Variants in FAT3 observed in about 807,000 individuals in gnomAD.
The protein encoded by FAT3 is protocadherin Fat 3.
Under a neutral mutation model 310.2 loss-of-function variants are expected in FAT3, and 95 were observed. The observed-to-expected ratio is 0.31, with a 90% CI of 0.26 to 0.36. The LOEUF (loss-of-function observed/expected upper bound fraction) is 0.36, where lower values mean the gene tolerates loss of function less well. Among genes scored for constraint, FAT3 ranks in the 10% least tolerant of loss-of-function variants. FAT3 has a pLI of 1.00. For synonymous variants in FAT3, 2,314 were observed against 2,192.9 expected, an observed-to-expected ratio of 1.06 and a Z score of -1.54; for missense variants, 5,408 against 5,715.6, an observed-to-expected ratio of 0.95 and a Z score of 1.74.
At chr11:92,804,136 C>G (rs1947438536) in intron 10 of FAT3, among the ~76,000 whole-genome samples, 1 of 152,220 alleles carries the variant, frequency 6.6e-6, no homozygotes, top group African/African-American at 2.4e-5. Context: ...CAGTCTTTCC[C>G]TCCAGAATGT....
chr11:92,810,069 C>G lies in FAT3; in HGVS notation c.9474C>G (p.Pro3158=), dbSNP rs760252299. The change falls in exon 13 of 28, where the codon CCC becomes CCG. Residue 3158 remains proline (P), a synonymous_variant. Transcript: ENST00000525166. ...TGACCAGAGTTCAAGCCGTGGACCC[C>G]GACATTGGTAAGTCAGTTGCAGGCA... The part of the protein sequence containing the change: ...ALLTRVQAVD[P]DIGINRKVVY... The G allele has an allele frequency of 6.2e-7, 1 of 1,613,468 alleles. No homozygotes were observed. Among genetic ancestry groups the G allele is most frequent in the South Asian group, 1.1e-5 (1 of 90,880 alleles).
In FAT3 at chr11:92,891,812, G is replaced by A. The variant is rs2136453659; in HGVS notation, c.*699G>A. On this transcript the variant is annotated 3_prime_UTR_variant, in exon 28 of 28. Transcript: ENST00000525166. ...TGAAGAGCAACATGAGGCTTTTTGG[G>A]TTCCATTTGGTGGGTGGGGGAGGAA... 6.6e-6 allele frequency: 1 copy of A among 152,432 alleles called. No homozygotes were observed. Among genetic ancestry groups the A allele is most frequent in the Middle Eastern group, 3.4e-3 (1 of 294 alleles). 9.4% of individuals were successfully genotyped at this position (152,432 alleles called of 1,614,324 possible). A position where few individuals can be genotyped will look rare whatever the true frequency, so the allele number is the denominator to read the frequency against.
intron 3 of FAT3, among the ~76,000 whole-genome samples, chr11:92,599,475 C>T (rs577726274): frequency 1.2e-4 from 19 of 152,186 alleles, no homozygotes; most frequent in African/African-American, 2.6e-4. Flanking sequence ...CAGTTCAAGA[C>T]GACATTTAGG....
At position 92,786,170 on chromosome 11, in the gene FAT3, G is replaced by C. The variant is rs183946909; in HGVS notation, c.4336-3773G>C. Among the ~76,000 whole-genome samples the C allele has an allele frequency of 8.1e-4, 123 of 152,208 alleles. 1 individual carries two copies. The highest frequency in any genetic ancestry group is 2.7e-3 in the African/African-American group (113 of 41,534). ...GAAAAATTGCAACTCGATTAGCGAT[G>C]TAAATGAAAGAAAAGAAAACATACA... On this transcript the variant is annotated intron_variant, in intron 7 of 27. Coordinates refer to ENST00000525166, the MANE Select transcript of FAT3 (RefSeq NM_001367949.2).
chr11:92,282,801 G>A (rs2134369536), intron 1 of FAT3, among the ~76,000 whole-genome samples: 1 of 152,172 alleles, frequency 6.6e-6, no homozygotes, highest in South Asian at 2.1e-4. Context: ...TAGTATTTTG[G>A]TACATAGCTT....
chr11:92,798,344 C>A lies in FAT3; in HGVS notation c.5331C>A (p.Ser1777Arg). The change falls in exon 10 of 28, where the codon AGC becomes AGA. Residue 1777 changes from serine to arginine, a missense_variant. Ser to Arg is a moderately radical substitution (Grantham distance 110, BLOSUM62 -1). This residue lies in a region of FAT3 where 4,588 missense variants were observed against 4,809.8 expected (regional missense o/e 0.95). Coordinates refer to ENST00000525166, the MANE Select transcript of FAT3 (RefSeq NM_001367949.2). The stretch of plus-strand genomic sequence containing the variant: ...TTCTCTTTTCTCAATACTCAGGCAG[C>A]CTAAGTGAGGCTGCCCCAATTAATA... ...PVFLFSQYSGSLSEAAPINSI... is the reference protein window; with the variant it reads ...PVFLFSQYSGRLSEAAPINSI... The A allele has an allele frequency of 6.2e-7, 1 of 1,613,594 alleles. No individual in the cohort carries two copies. The highest frequency in any genetic ancestry group is 8.5e-7 in the Non-Finnish European group (1 of 1,179,762).
intron 2 of FAT3, among the ~76,000 whole-genome samples, chr11:92,459,853 T>C (rs1300441390): frequency 6.6e-6 from 1 of 152,178 alleles, no homozygotes; most frequent in Non-Finnish European, 1.5e-5. Flanking sequence ...TATTTTTGCA[T>C]TGTTTCAAAT....
intron 22 of FAT3, among the ~76,000 whole-genome samples, chr11:92,878,156 T>A (rs74956337): frequency 0.039 from 5,918 of 152,256 alleles, 261 homozygotes; most frequent in East Asian, 0.23. Flanking sequence ...GATTTTGCAG[T>A]CTTGAATTCA....
intron 2 of FAT3, among the ~76,000 whole-genome samples, chr11:92,465,439 C>T (rs974626993): frequency 6.6e-6 from 1 of 152,138 alleles, no homozygotes; most frequent in African/African-American, 2.4e-5. Flanking sequence ...AAAAGTGTTC[C>T]TGTTTCTCCA....
chr11:92,537,210 G>A (rs553843336), intron 3 of FAT3, among the ~76,000 whole-genome samples: 12 of 152,214 alleles, frequency 7.9e-5, no homozygotes, highest in South Asian at 2.1e-4. Flanking sequence ...CCCTGAGACC[G>A]TCTCTATCTC....
intron 1 of FAT3, among the ~76,000 whole-genome samples, chr11:92,297,706 G>A (rs1408021986): frequency 6.6e-6 from 1 of 152,046 alleles, no homozygotes; most frequent in African/African-American, 2.4e-5. Flanking sequence ...GTTTCCAAGT[G>A]AGCGTAGTTA....
At chr11:92,563,681 C>G (rs1955316016) in intron 3 of FAT3, among the ~76,000 whole-genome samples, 1 of 152,058 alleles carries the variant, frequency 6.6e-6, no homozygotes, top group Non-Finnish European at 1.5e-5. Flanking sequence ...AGACTAACAG[C>G]AGATCTCTCG....
chr11:92,789,877 G>A (rs987687870), intron 7 of FAT3, 66 bp from the exon 8 acceptor site: 2 of 1,535,582 alleles, frequency 1.3e-6, no homozygotes, highest in African/African-American at 1.4e-5. Context: ...AAAGAGGGAG[G>A]GCATACTTTT....
rs766851691 is a variant in FAT3, at chr11:92,891,553, G to T, written c.*440G>T. ...TGAAATGAAAATAGTAGTAATGATT[G>T]TTGGAAAAGTTAGTCTCTTAGGCGA... On this transcript the variant is annotated 3_prime_UTR_variant, in exon 28 of 28. Transcript: ENST00000525166. 5 of 168,048 alleles carry T rather than the reference G, an allele frequency of 3.0e-5. No individual in the cohort carries two copies. The highest frequency in any genetic ancestry group is 5.5e-5 in the Admixed American group (1 of 18,172). The allele number at this position is 168,048 out of a possible 1,614,324, so 10.4% of individuals were successfully genotyped here.
At chr11:92,462,121 A>C (rs971490570) in intron 2 of FAT3, among the ~76,000 whole-genome samples, 3 of 152,132 alleles carry the variant, frequency 2.0e-5, no homozygotes, top group Non-Finnish European at 4.4e-5. Flanking sequence ...CTCAGCTTTA[A>C]GGAATTATTA....
At chr11:92,581,001 T>A (rs1055691692) in intron 3 of FAT3, among the ~76,000 whole-genome samples, 1 of 152,056 alleles carries the variant, frequency 6.6e-6, no homozygotes, top group Non-Finnish European at 1.5e-5. Flanking sequence ...TTACACATAG[T>A]TGGGTTTAGC....
At chr11:92,412,750 T>TATAC (rs1950319479) in intron 2 of FAT3, among the ~76,000 whole-genome samples, 3 of 66,978 alleles carry the variant, frequency 4.5e-5, no homozygotes, top group African/African-American at 7.7e-5. Context: ...TATATAAATA[T>TATAC]ACATACATAT....
At chr11:92,358,675 G>A (rs571484922) in intron 2 of FAT3, among the ~76,000 whole-genome samples, 1 of 152,214 alleles carries the variant, frequency 6.6e-6, no homozygotes, top group East Asian at 1.9e-4. Context: ...TGACCATCTG[G>A]ATTTGTTTCC....
intron 2 of FAT3, chr11:92,407,918 G>T (rs1245454821): frequency 6.6e-6 from 1 of 152,200 alleles, no homozygotes; most frequent in African/African-American, 2.4e-5. Context: ...TTTTGCTGCA[G>T]AAATTGATGG....
Sources: gnomAD v4.1 joint callset for allele counts (sites outside exome capture counted in the v4.1 genomes callset) on GRCh38, gnomAD v4.1.1 for gene constraint, gnomAD v4.1.1 regional missense constraint, MANE v1.5 for transcripts, NCBI Gene and HGNC (gene_info 2026-07-23, HGNC 2026-07-21) for gene names.